Variants in ESRRG observed in about 807,000 individuals in gnomAD.
ESRRG encodes the protein estrogen-related receptor gamma.
ESRRG carries 13 observed loss-of-function variants against 44.0 expected under a neutral mutation model. That is an observed-to-expected ratio of 0.30 (90% CI 0.19 to 0.47). ESRRG has a LOEUF of 0.47. Ranked by LOEUF, ESRRG falls within the 20% of genes least tolerant of loss-of-function variation. ESRRG has a pLI of 1.00. For missense variants in ESRRG, 395 were observed against 580.6 expected (o/e 0.68, Z 3.29); for synonymous variants, 215 against 214.6 (o/e 1.00, Z -0.02).
At chr1:216,956,691 A>T (rs2068022356) in intron 1 of ESRRG, among the ~76,000 whole-genome samples, 1 of 152,200 alleles carries the variant, frequency 6.6e-6, no homozygotes, top group Non-Finnish European at 1.5e-5. Flanking sequence ...GTATAATGTC[A>T]TTGTGTACGA....
intron 1 of ESRRG, among the ~76,000 whole-genome samples, chr1:217,028,172 G>A (rs985025387): frequency 3.9e-5 from 6 of 152,086 alleles, no homozygotes; most frequent in African/African-American, 1.4e-4. Flanking sequence ...AGGGATATCG[G>A]TCTTACAGAA....
intron 2 of ESRRG, among the ~76,000 whole-genome samples, chr1:216,844,505 C>G (rs868579802): frequency 1.3e-4 from 20 of 152,208 alleles, no homozygotes; most frequent in African/African-American, 4.8e-4. Flanking sequence ...TTCGATTGCT[C>G]TCCAACCTGT....
intron 3 of ESRRG, among the ~76,000 whole-genome samples, chr1:216,599,859 T>A (rs192264401): frequency 1.1e-4 from 17 of 151,624 alleles, no homozygotes; most frequent in Admixed American, 5.2e-4. Context: ...AAAGGTACCC[T>A]ATGCATTTTT....
At chr1:216,615,942 TC>T (rs2061374317) in intron 3 of ESRRG, among the ~76,000 whole-genome samples, 1 of 152,100 alleles carries the variant, frequency 6.6e-6, no homozygotes, top group South Asian at 2.1e-4. Context: ...CGCCTCGGCC[TC>T]CCAAAGTGCT....
chr1:216,764,191 T>C (rs1158005937), intron 2 of ESRRG, among the ~76,000 whole-genome samples: 2 of 152,122 alleles, frequency 1.3e-5, no homozygotes, highest in South Asian at 2.1e-4. Flanking sequence ...TTTTTTTCTT[T>C]CTCTCCCCCA....
rs186770984 is a variant in ESRRG, at chr1:216,519,285, G to A, written c.999C>T (p.Asp333=). ...GGCCTGCTAATTTGGACTGGTCTTC[G>A]TCCATTATATAATCGTCTGCATAGA... ...ELVYADDYIM[D]EDQSKLAGLL... The change falls in exon 6 of 7, where the codon GAC becomes GAT. Residue 333 remains aspartate (D), a synonymous_variant. Transcript: ENST00000408911. 2.5e-5 allele frequency: 40 copies of A among 1,613,742 alleles called. No individual in the cohort carries two copies. Among genetic ancestry groups the A allele is most frequent in the African/African-American group, 6.7e-5 (5 of 74,984 alleles).
intron 6 of ESRRG, among the ~76,000 whole-genome samples, chr1:216,507,876 T>C (rs1571907581): frequency 6.6e-6 from 1 of 152,212 alleles, no homozygotes; most frequent in Admixed American, 6.5e-5. Context: ...ATGAATAATT[T>C]GAAAATCTAA....
intron 2 of ESRRG, among the ~76,000 whole-genome samples, chr1:216,841,576 T>C (rs1173856834): frequency 6.6e-6 from 1 of 152,128 alleles, no homozygotes; most frequent in Non-Finnish European, 1.5e-5. Flanking sequence ...GGAGAGCTGT[T>C]AAGAATAATG....
intron 5 of ESRRG, among the ~76,000 whole-genome samples, chr1:216,528,328 C>A (rs987143283): frequency 6.6e-6 from 1 of 152,114 alleles, no homozygotes; most frequent in African/African-American, 2.4e-5. Context: ...TAACCTCAGC[C>A]AGTTCTCTTC....
At chr1:216,604,918 T>C (rs1193419408) in intron 3 of ESRRG, among the ~76,000 whole-genome samples, 2 of 152,228 alleles carry the variant, frequency 1.3e-5, no homozygotes, top group Non-Finnish European at 2.9e-5. Context: ...ATCTTTGAAA[T>C]ATATTGAAAC....
chr1:217,047,914 C>T (rs1275881879), intron 1 of ESRRG, among the ~76,000 whole-genome samples: 1 of 152,128 alleles, frequency 6.6e-6, no homozygotes, highest in Non-Finnish European at 1.5e-5. Context: ...AAAGAAGTAG[C>T]CCACATTTCC....
intron 2 of ESRRG, among the ~76,000 whole-genome samples, chr1:216,826,103 A>G (rs2095388668): frequency 6.6e-6 from 1 of 151,980 alleles, no homozygotes; most frequent in Admixed American, 6.6e-5. Context: ...TGTAACGGAC[A>G]GGCAGGTAGA....
intron 1 of ESRRG, among the ~76,000 whole-genome samples, chr1:217,002,884 T>A (rs1206306369): frequency 2.6e-5 from 4 of 152,120 alleles, no homozygotes; most frequent in Non-Finnish European, 5.9e-5. Flanking sequence ...GCCCCATGAG[T>A]GACCATGAGC....
chr1:216,798,148 CTT>C (rs970851365), intron 2 of ESRRG, among the ~76,000 whole-genome samples: 7 of 151,714 alleles, frequency 4.6e-5, no homozygotes, highest in Non-Finnish European at 1.0e-4. Context: ...TTTTTCTTTT[CTT>C]TTCTTTTTCT....
chr1:216,617,450 A>T (rs1441468703), intron 3 of ESRRG, among the ~76,000 whole-genome samples: 1 of 152,058 alleles, frequency 6.6e-6, no homozygotes, highest in Non-Finnish European at 1.5e-5. Context: ...GCCTCAAGCA[A>T]ATCATAGGCA....
chr1:216,780,853 A>T (rs1378705142), intron 2 of ESRRG, among the ~76,000 whole-genome samples: 1 of 151,966 alleles, frequency 6.6e-6, no homozygotes, highest in Non-Finnish European at 1.5e-5. Flanking sequence ...CTAGCATGAG[A>T]GGTTAAAATG....
chr1:216,555,792 T>G (rs576652029), intron 5 of ESRRG, among the ~76,000 whole-genome samples: 1 of 152,264 alleles, frequency 6.6e-6, no homozygotes, highest in South Asian at 2.1e-4. Flanking sequence ...AAGTGAAAAT[T>G]TGATTTGCTA....
chr1:217,046,871 G>A (rs1221129059), intron 1 of ESRRG, among the ~76,000 whole-genome samples: 1 of 150,476 alleles, frequency 6.6e-6, no homozygotes, highest in Non-Finnish European at 1.5e-5. Flanking sequence ...CAACAGTGGT[G>A]AGATCCTGTC....
intron 2 of ESRRG, among the ~76,000 whole-genome samples, chr1:216,795,616 C>T (rs935015939): frequency 5.3e-5 from 8 of 151,978 alleles, no homozygotes; most frequent in African/African-American, 1.9e-4. Flanking sequence ...GCTGGGATTA[C>T]AGGTGCACGC....
Sources: gnomAD v4.1 joint callset for allele counts (sites outside exome capture counted in the v4.1 genomes callset) on GRCh38, gnomAD v4.1.1 for gene constraint, MANE v1.5 for transcripts, NCBI Gene and HGNC (gene_info 2026-07-23, HGNC 2026-07-21) for gene names.